CAP2: variants seen among roughly 807,000 people sequenced by gnomAD.
The protein encoded by CAP2 is adenylyl cyclase-associated protein 2.
CAP2 carries 24 observed loss-of-function variants against 57.7 expected under a neutral mutation model. The observed-to-expected ratio is 0.42, with a 90% CI of 0.30 to 0.58. The LOEUF (loss-of-function observed/expected upper bound fraction) is 0.58. Ranked by LOEUF, CAP2 falls within the 20% of genes least tolerant of loss-of-function variation. The pLI is 0.22. For missense variants in CAP2, 501 were observed against 590.3 expected, an observed-to-expected ratio of 0.85 and a Z score of 1.57; for synonymous variants, 194 against 207.2, an observed-to-expected ratio of 0.94 and a Z score of 0.55.
intron 7 of CAP2, among the ~76,000 whole-genome samples, chr6:17,524,099 A>T (rs1314803006): frequency 1.4e-5 from 2 of 145,132 alleles, no homozygotes; most frequent in Non-Finnish European, 1.5e-5. Context: ...AAAAAAAAGG[A>T]GTAAGAAGTT....
At chr6:17,423,276 CT>C (rs760117873) in intron 2 of CAP2, among the ~76,000 whole-genome samples, 4 of 152,208 alleles carry the variant, frequency 2.6e-5, no homozygotes, top group Admixed American at 1.3e-4. Flanking sequence ...TATTTCCCCC[CT>C]GAACATAATG....
chr6:17,516,866 CT>C (rs921316885), intron 7 of CAP2, among the ~76,000 whole-genome samples: 3 of 152,144 alleles, frequency 2.0e-5, no homozygotes, highest in Non-Finnish European at 4.4e-5. Context: ...ACTGATGTTT[CT>C]TTTTATATTC....
intron 1 of CAP2, among the ~76,000 whole-genome samples, chr6:17,402,923 A>C (rs1219043428): frequency 6.6e-6 from 1 of 152,194 alleles, no homozygotes; most frequent in Non-Finnish European, 1.5e-5. Flanking sequence ...AATTAAAATA[A>C]GTTTTGATAT....
intron 2 of CAP2, among the ~76,000 whole-genome samples, chr6:17,423,857 G>A (rs1044311478): frequency 2.6e-5 from 4 of 152,066 alleles, no homozygotes; most frequent in African/African-American, 7.2e-5. Context: ...AACTTAGCCC[G>A]TAATTTACTA....
intron 12 of CAP2, among the ~76,000 whole-genome samples, chr6:17,552,569 T>C (rs554581123): frequency 3.7e-4 from 56 of 151,636 alleles, no homozygotes; most frequent in African/African-American, 1.3e-3. Context: ...GAGGCGGAGG[T>C]TGCAGTGAGC....
In CAP2 at chr6:17,541,036, G is replaced by A; in HGVS notation, c.890G>A (p.Gly297Glu). 1.2e-6 allele frequency: 2 copies of A among 1,614,106 alleles called. No homozygotes were observed. Among genetic ancestry groups the A allele is most frequent in the Non-Finnish European group, 1.7e-6 (2 of 1,179,986 alleles). The change falls in exon 9 of 13, where the codon GGG becomes GAG. Residue 297 changes from glycine to glutamate, a missense_variant. Gly to Glu is a moderately conservative substitution (Grantham distance 98). Transcript: ENST00000229922. ...YKNPSLRAQG[G>E]QTQSPTKSHT... Reference sequence around the variant, plus strand: ...AATCCCAGCCTGCGGGCTCAAGGAGGGCAAACTCAATCTCCCACCAAAAGT... The same window carrying A: ...AATCCCAGCCTGCGGGCTCAAGGAGAGCAAACTCAATCTCCCACCAAAAGT...
At chr6:17,503,556 A>G (rs1761888936) in intron 4 of CAP2, among the ~76,000 whole-genome samples, 1 of 148,176 alleles carries the variant, frequency 6.7e-6, no homozygotes, top group Non-Finnish European at 1.5e-5. Context: ...GTGAGCCAAG[A>G]TCGTGCCGGT....
chr6:17,482,752 G>A (rs987558321), intron 4 of CAP2, among the ~76,000 whole-genome samples: 2 of 152,166 alleles, frequency 1.3e-5, no homozygotes, highest in Admixed American at 6.5e-5. Context: ...TAGTCGTACA[G>A]GACCAGGGGC....
chr6:17,535,806 G>T (rs557738588), intron 7 of CAP2, among the ~76,000 whole-genome samples: 19 of 152,242 alleles, frequency 1.2e-4, no homozygotes, highest in Non-Finnish European at 2.4e-4. Context: ...AGGAAAGAAT[G>T]TTTATTCCCA....
intron 7 of CAP2, among the ~76,000 whole-genome samples, chr6:17,516,465 G>T (rs933782545): frequency 6.6e-6 from 1 of 152,174 alleles, no homozygotes; most frequent in Non-Finnish European, 1.5e-5. Flanking sequence ...TGAGGGAAAG[G>T]TTGGGAGGGG....
At chr6:17,449,950 A>G (rs903986351) in intron 3 of CAP2, among the ~76,000 whole-genome samples, 2 of 152,330 alleles carry the variant, frequency 1.3e-5, no homozygotes, top group Admixed American at 6.5e-5. Flanking sequence ...TATTCATGAC[A>G]TTGATTGTTT....
intron 2 of CAP2, among the ~76,000 whole-genome samples, chr6:17,422,191 A>G (rs897176927): frequency 1.3e-5 from 2 of 152,246 alleles, no homozygotes; most frequent in East Asian, 1.9e-4. Context: ...GGAAGGAATT[A>G]TCATTCTGTA....
intron 3 of CAP2, among the ~76,000 whole-genome samples, chr6:17,429,019 A>G (rs1309220586): frequency 6.6e-6 from 1 of 152,226 alleles, no homozygotes; most frequent in African/African-American, 2.4e-5. Flanking sequence ...TGAAAGAGAC[A>G]AGCCTTGATA....
At chr6:17,480,004 T>C (rs1001201638) in intron 4 of CAP2, among the ~76,000 whole-genome samples, 4 of 152,150 alleles carry the variant, frequency 2.6e-5, no homozygotes, top group African/African-American at 9.7e-5. Flanking sequence ...CACCACTCTC[T>C]GACAGACACT....
chr6:17,422,170 G>T (rs1025756205), intron 2 of CAP2, among the ~76,000 whole-genome samples: 1 of 152,166 alleles, frequency 6.6e-6, no homozygotes, highest in African/African-American at 2.4e-5. Flanking sequence ...TTCTTGATTA[G>T]AATGTAAATT....
intron 7 of CAP2, among the ~76,000 whole-genome samples, chr6:17,538,285 C>CA (rs796567154): frequency 0.016 from 2,222 of 135,644 alleles, 20 homozygotes; most frequent in Non-Finnish European, 0.021. Flanking sequence ...CCTCATCTCT[C>CA]AAAAAAAAAA....
chr6:17,464,208 T>C (rs998398170), intron 4 of CAP2, among the ~76,000 whole-genome samples: 2 of 152,262 alleles, frequency 1.3e-5, no homozygotes, highest in African/African-American at 4.8e-5. Context: ...ACTACCAGCA[T>C]ACTTTGTTTT....
At chr6:17,548,741 T>C (rs1337080246) in intron 11 of CAP2, among the ~76,000 whole-genome samples, 2 of 152,226 alleles carry the variant, frequency 1.3e-5, no homozygotes, top group Non-Finnish European at 2.9e-5. Flanking sequence ...AAGTGCTATA[T>C]TGTTAGTGAT....
chr6:17,526,616 G>C (rs924183405), intron 7 of CAP2, among the ~76,000 whole-genome samples: 16 of 152,072 alleles, frequency 1.1e-4, no homozygotes, highest in African/African-American at 3.9e-4. Flanking sequence ...AAGGGAAATG[G>C]GGGAAGGTGC....
Sources: gnomAD v4.1 joint callset for allele counts (sites outside exome capture counted in the v4.1 genomes callset) on GRCh38, gnomAD v4.1.1 for gene constraint, MANE v1.5 for transcripts, NCBI Gene and HGNC (gene_info 2026-07-23, HGNC 2026-07-21) for gene names.